Variants in RNF217 observed in about 807,000 individuals in gnomAD.
RNF217 encodes the protein E3 ubiquitin-protein ligase RNF217.
RNF217 carries 31 observed loss-of-function variants against 57.8 expected under a neutral mutation model. The observed-to-expected ratio is 0.54, with a 90% CI of 0.40 to 0.72. RNF217 has a LOEUF of 0.72. Ranked by LOEUF, RNF217 falls within the 30% of genes least tolerant of loss-of-function variation. The probability of loss-of-function intolerance (pLI) is 0.00; values close to 1 mark genes in which losing one functional copy is unlikely to be tolerated. For synonymous variants in RNF217, 313 were observed against 294.0 expected, an observed-to-expected ratio of 1.06 and a Z score of -0.66; for missense variants, 696 against 708.3, an observed-to-expected ratio of 0.98 and a Z score of 0.20.
At chr6:125,048,734 G>A (rs1787192721) in intron 2 of RNF217, among the ~76,000 whole-genome samples, 1 of 152,030 alleles carries the variant, frequency 6.6e-6, no homozygotes, top group Middle Eastern at 3.4e-3. Flanking sequence ...TTGTTAAATT[G>A]TTTGTACTCA....
chr6:124,976,272 TCCC>T (rs1783956652), intron 1 of RNF217, among the ~76,000 whole-genome samples: 1 of 58,492 alleles, frequency 1.7e-5, no homozygotes, highest in Non-Finnish European at 3.2e-5. Flanking sequence ...CCTCCCTCCC[TCCC>T]GCTCTCTCTC....
At chr6:124,997,272 G>C (rs916062140) in intron 1 of RNF217, among the ~76,000 whole-genome samples, 1 of 152,060 alleles carries the variant, frequency 6.6e-6, no homozygotes, top group African/African-American at 2.4e-5. Flanking sequence ...TTCACTACTC[G>C]CATGTTCCCC....
At chr6:125,011,365 A>G (rs1045010892) in intron 1 of RNF217, among the ~76,000 whole-genome samples, 4 of 152,096 alleles carry the variant, frequency 2.6e-5, no homozygotes, top group Non-Finnish European at 4.4e-5. Flanking sequence ...ATTTGGCATT[A>G]TCATATTCAC....
At chr6:125,052,959 G>A (rs1202751300) in intron 2 of RNF217, among the ~76,000 whole-genome samples, 1 of 152,046 alleles carries the variant, frequency 6.6e-6, no homozygotes, top group African/African-American at 2.4e-5. Context: ...CACTTAGCAA[G>A]GATCAGGGTT....
At chr6:125,005,693 T>C (rs1273835631) in intron 1 of RNF217, among the ~76,000 whole-genome samples, 4 of 152,252 alleles carry the variant, frequency 2.6e-5, no homozygotes, top group Non-Finnish European at 4.4e-5. Context: ...GAAATTCATG[T>C]ACCATATTAC....
At position 125,046,307 on chromosome 6, in the gene RNF217, A is replaced by G. The variant is rs561082125; in HGVS notation, c.1116+863A>G. The stretch of plus-strand genomic sequence containing the variant: ...GAAGTTTGGATGTAACTCTGTAAGC[A>G]TTAGAGAAATGTCATCTGGCAGCAT... On this transcript the variant is annotated intron_variant, in intron 2 of 5. Coordinates refer to ENST00000521654, the MANE Select transcript of RNF217 (RefSeq NM_001286398.3). Among the ~76,000 whole-genome samples the G allele has an allele frequency of 1.8e-4, 27 of 152,186 alleles. No homozygotes were observed. In the South Asian group the frequency reaches 5.2e-3, roughly 29 times the overall value.
At chr6:124,995,948 A>G (rs1784734147) in intron 1 of RNF217, among the ~76,000 whole-genome samples, 1 of 152,110 alleles carries the variant, frequency 6.6e-6, no homozygotes, top group Admixed American at 6.6e-5. Flanking sequence ...CAAGAAAAGA[A>G]AAACATTTGG....
At chr6:124,968,219 G>A (rs1178615000) in intron 1 of RNF217, among the ~76,000 whole-genome samples, 2 of 152,164 alleles carry the variant, frequency 1.3e-5, no homozygotes, top group Non-Finnish European at 2.9e-5. Context: ...GGTTTTGGTA[G>A]TCCTGAAAAT....
intron 1 of RNF217, among the ~76,000 whole-genome samples, chr6:125,016,205 T>G (rs796537826): frequency 2.9e-4 from 44 of 152,336 alleles, no homozygotes; most frequent in African/African-American, 9.4e-4. Context: ...TTCATTATTC[T>G]TTGTACTTTT....
intron 3 of RNF217, 71 bp from the exon 4 acceptor site, chr6:125,076,585 TA>T: frequency 1.0e-6 from 1 of 982,242 alleles, no homozygotes; most frequent in Non-Finnish European, 1.6e-6. Flanking sequence ...TGTTGTTTCA[TA>T]AAATTTGCGA....
intron 1 of RNF217, among the ~76,000 whole-genome samples, chr6:124,985,494 G>A (rs1054298550): frequency 6.6e-6 from 1 of 152,066 alleles, no homozygotes; most frequent in Admixed American, 6.6e-5. Context: ...CTATCATTAG[G>A]AAATGTGTGA....
At chr6:125,007,618 G>T (rs939614098) in intron 1 of RNF217, among the ~76,000 whole-genome samples, 1 of 152,104 alleles carries the variant, frequency 6.6e-6, no homozygotes, top group African/African-American at 2.4e-5. Context: ...AGTGCTTGGG[G>T]TGCAGACATC....
chr6:125,038,359 G>T (rs1357488548), intron 1 of RNF217, among the ~76,000 whole-genome samples: 1 of 152,088 alleles, frequency 6.6e-6, no homozygotes, highest in East Asian at 1.9e-4. Flanking sequence ...TGACATTTTT[G>T]TAGATATATG....
At position 125,092,607 on chromosome 6, in the gene RNF217, C is replaced by T. The variant is rs1183691312; in HGVS notation, c.*9670C>T. On this transcript the variant is annotated 3_prime_UTR_variant, in exon 6 of 6. Coordinates refer to ENST00000521654, the MANE Select transcript of RNF217 (RefSeq NM_001286398.3). ...CATCATGCAATGTTATTTAGCAATG[C>T]GTAATAAAAGTTTTTAAAAGAGAAA... The T allele has an allele frequency of 2.0e-5, 3 of 152,080 alleles. No individual in the cohort carries two copies. The highest frequency in any genetic ancestry group is 6.5e-5 in the Admixed American group (1 of 15,270). The allele number at this position is 152,080 out of a possible 1,614,324, so 9.4% of individuals were successfully genotyped here.
chr6:125,029,614 A>G, intron 1 of RNF217, among the ~76,000 whole-genome samples: 1 of 152,178 alleles, frequency 6.6e-6, no homozygotes, highest in East Asian at 1.9e-4. Context: ...ATACTTGCCA[A>G]TTTTGAAAGA....
chr6:125,081,478 T>C lies in RNF217; in HGVS notation c.1526T>C (p.Leu509Ser), dbSNP rs937751493. Residue 509 changes from leucine (L) to serine (S), a missense_variant, in exon 5 of 6, where the codon TTG becomes TCG. Physicochemically the swap from Leu to Ser is moderately radical, Grantham distance 145. Transcript: ENST00000521654. ...GCACCTCTAATTATGGTTTTGGGAT[T>C]GGCACTAGGGGCCATAGCGGTTGTA... is the stretch of plus-strand genomic sequence containing the variant. The part of the protein sequence containing the change: ...FIAPLIMVLG[L>S]ALGAIAVVIG... The C allele has an allele frequency of 1.9e-6, 3 of 1,611,668 alleles. No individual in the cohort carries two copies. The highest frequency in any genetic ancestry group is 2.5e-6 in the Non-Finnish European group (3 of 1,178,430).
rs1788677232 is a variant in RNF217, at chr6:125,083,479, A to C, written c.*542A>C. ...TAATTGCAAAAAATCTCAATGTCCA[A>C]AAGGGAATGAGTGAAACTAAATTAA... On this transcript the variant is annotated 3_prime_UTR_variant, in exon 6 of 6. Coordinates refer to ENST00000521654, the MANE Select transcript of RNF217 (RefSeq NM_001286398.3). The C allele has an allele frequency of 6.6e-6, 1 of 152,190 alleles. No individual in the cohort carries two copies. Among genetic ancestry groups the C allele is most frequent in the African/African-American group, 2.4e-5 (1 of 41,436 alleles). 9.4% of individuals were successfully genotyped at this position (152,190 alleles called of 1,614,324 possible).
rs1784959491 is a variant in RNF217, at chr6:125,001,007, A to G, written c.882+37581A>G. On this transcript the variant is annotated intron_variant, in intron 1 of 5. Coordinates refer to ENST00000521654, the MANE Select transcript of RNF217 (RefSeq NM_001286398.3). ...AAACATTCTAAAATGACCTTGGAAT[A>G]TAGAGTCTGAAATATCCAATCACCA... Among the ~76,000 whole-genome samples the G allele has an allele frequency of 2.0e-5, 3 of 152,294 alleles. No homozygotes were observed. The South Asian group carries it at 6.2e-4, about 32-fold the overall frequency.
chr6:124,992,985 T>C (rs1029143898), intron 1 of RNF217, among the ~76,000 whole-genome samples: 1 of 152,192 alleles, frequency 6.6e-6, no homozygotes, highest in Non-Finnish European at 1.5e-5. Flanking sequence ...AGAATATTTG[T>C]TCATTTTATA....
Sources: allele counts gnomAD v4.1 joint callset (sites outside exome capture counted in the v4.1 genomes callset), GRCh38; gene constraint gnomAD v4.1.1; transcripts MANE v1.5; gene names NCBI Gene and HGNC (gene_info 2026-07-23, HGNC 2026-07-21).